Variants in TEX26 observed in about 807,000 individuals in gnomAD.
TEX26 encodes testis-expressed protein 26.
TEX26 carries 34 observed loss-of-function variants against 35.3 expected under a neutral mutation model. The observed-to-expected ratio is 0.96, with a 90% CI of 0.73 to 1.28. TEX26 has a LOEUF of 1.28. Among genes scored for constraint, TEX26 ranks in the 50% most tolerant of loss-of-function variants. The probability of loss-of-function intolerance (pLI) is 0.00; values close to 1 mark genes in which losing one functional copy is unlikely to be tolerated. For synonymous variants in TEX26, 136 were observed against 111.8 expected (o/e 1.22, Z -1.36); for missense variants, 371 against 330.1 (o/e 1.12, Z -0.96).
chr13:30,937,008 G>A (rs1953296481), intron 1 of TEX26: 2 of 983,514 alleles, frequency 2.0e-6, no homozygotes, highest in Non-Finnish European at 2.4e-6. Context: ...TACAAAAAGA[G>A]TTGTAGTAAG....
intron 4 of TEX26, among the ~76,000 whole-genome samples, chr13:30,961,225 G>A (rs1308975764): frequency 6.6e-6 from 1 of 152,166 alleles, no homozygotes; most frequent in East Asian, 1.9e-4. Context: ...GTGTCCCTCA[G>A]TCCAGAGCTT....
intron 4 of TEX26, among the ~76,000 whole-genome samples, chr13:30,958,583 C>T (rs568026838): frequency 1.7e-3 from 264 of 152,332 alleles, no homozygotes; most frequent in Non-Finnish European, 2.4e-3. Flanking sequence ...TGACACATCT[C>T]TCAAGGTCTG....
intron 2 of TEX26, among the ~76,000 whole-genome samples, chr13:30,951,168 G>A (rs1953906825): frequency 6.6e-6 from 1 of 151,998 alleles, no homozygotes; most frequent in South Asian, 2.1e-4. Flanking sequence ...GGGCAACATA[G>A]TGAGACCTCA....
intron 2 of TEX26, among the ~76,000 whole-genome samples, chr13:30,951,175 C>A (rs564073669): frequency 2.0e-4 from 31 of 151,642 alleles, no homozygotes; most frequent in African/African-American, 7.5e-4. Context: ...ATAGTGAGAC[C>A]TCATCTCAAA....
At chr13:30,968,366 A>C (rs912553238) in intron 5 of TEX26, among the ~76,000 whole-genome samples, 10 of 152,112 alleles carry the variant, frequency 6.6e-5, no homozygotes, top group African/African-American at 2.4e-4. Flanking sequence ...GATCGTAGTT[A>C]ATCTTTCTTA....
At chr13:30,944,990 T>G (rs771764629) in intron 2 of TEX26, among the ~76,000 whole-genome samples, 9 of 152,052 alleles carry the variant, frequency 5.9e-5, no homozygotes, top group Non-Finnish European at 1.0e-4. Flanking sequence ...AAGTCCATTC[T>G]TTCTTTGTTG....
intron 2 of TEX26, among the ~76,000 whole-genome samples, chr13:30,943,524 G>A (rs756123630): frequency 4.1e-4 from 62 of 152,066 alleles, no homozygotes; most frequent in Admixed American, 2.0e-4. Flanking sequence ...GTGAAAGTGG[G>A]CATCCTTTTC....
chr13:30,945,822 G>GT (rs943091019), intron 2 of TEX26, among the ~76,000 whole-genome samples: 2 of 151,650 alleles, frequency 1.3e-5, no homozygotes, highest in African/African-American at 2.4e-5. Flanking sequence ...AGTCTGATAG[G>GT]TTTTTTTGTT....
Position 30,972,462 on chromosome 13 carries a change from A to T in TEX26, c.809-2384A>T, listed in dbSNP as rs532354431. ...AAGAAAGGATTTTTTTCTTATTTTA[A>T]TATAAATTCTTTGCTATAAATTCTT... On this transcript the variant is annotated intron_variant, in intron 6 of 6. Coordinates refer to ENST00000380473, the MANE Select transcript of TEX26 (RefSeq NM_152325.3). Among the ~76,000 whole-genome samples the T allele has an allele frequency of 2.0e-4, 30 of 152,282 alleles. No homozygotes were observed. The South Asian group carries it at 3.3e-3, about 17-fold the overall frequency.
At position 30,939,703 on chromosome 13, in the gene TEX26, C is replaced by A. The variant is rs773578343; in HGVS notation, c.71C>A (p.Pro24His). The A allele has an allele frequency of 8.1e-6, 13 of 1,613,768 alleles. No individual in the cohort carries two copies. The change falls in exon 2 of 7, where the codon CCC becomes CAC. Residue 24 changes from proline to histidine, a missense_variant. By Grantham distance (77) the Pro-to-His change is moderately conservative (BLOSUM62 -2). Transcript: ENST00000380473. ...TTTATTGTACTTTTAGCAGATGACC[C>A]CAACTGGGATTCCTATGCTACCACT... The part of the protein sequence containing the change: ...CHHNLQPTDD[P>H]NWDSYATTMR...
chr13:30,974,593 T>G (rs1468049874), intron 6 of TEX26, among the ~76,000 whole-genome samples: 2 of 152,218 alleles, frequency 1.3e-5, no homozygotes, highest in East Asian at 3.8e-4. Flanking sequence ...TTAAGCCTGT[T>G]TCATTCTGAA....
chr13:30,939,850 C>T, intron 2 of TEX26, 72 bp downstream of exon 2: 1 of 1,337,204 alleles, frequency 7.5e-7, no homozygotes, highest in Non-Finnish European at 1.1e-6. Flanking sequence ...ACTCAGAATC[C>T]AAACACATAG....
chr13:30,961,229 A>G (rs1011014761), intron 4 of TEX26, among the ~76,000 whole-genome samples: 14 of 152,256 alleles, frequency 9.2e-5, no homozygotes, highest in South Asian at 4.1e-4. Context: ...CCCTCAGTCC[A>G]GAGCTTCTTT....
rs763057323 is a variant in TEX26, at chr13:30,939,782, G to C, written c.146+4G>C. The C allele has an allele frequency of 2.0e-5, 32 of 1,612,184 alleles. No individual in the cohort carries two copies. Among genetic ancestry groups the C allele is most frequent in the Non-Finnish European group, 2.6e-5 (31 of 1,178,464 alleles). On this transcript the variant is annotated splice_donor_region_variant and intron_variant, in intron 2 of 6. Coordinates refer to ENST00000380473, the MANE Select transcript of TEX26 (RefSeq NM_152325.3). ...GAGCAGTGCCTGCCTTAATTCGGTA[G>C]ATCATTATTTGTGTTGGATTGATAT...
intron 3 of TEX26, 44 bp downstream of exon 3, chr13:30,952,869 T>C (rs1484717943): frequency 2.0e-6 from 3 of 1,500,166 alleles, no homozygotes; most frequent in Non-Finnish European, 2.7e-6. Flanking sequence ...TACTGTACTG[T>C]ATCAACAACT....
At chr13:30,936,191 A>G (rs1953267006) in intron 1 of TEX26, among the ~76,000 whole-genome samples, 2 of 152,198 alleles carry the variant, frequency 1.3e-5, no homozygotes, top group Admixed American at 1.3e-4. Context: ...AAAATAATAT[A>G]TGTGAAAATA....
intron 2 of TEX26, among the ~76,000 whole-genome samples, chr13:30,952,105 C>A (rs559088853): frequency 1.4e-4 from 19 of 131,134 alleles, no homozygotes; most frequent in Non-Finnish European, 2.8e-4. Context: ...ATCCAACATT[C>A]TGAAGACTTC....
chr13:30,964,529 A>G (rs1448237648), intron 4 of TEX26, among the ~76,000 whole-genome samples: 1 of 152,262 alleles, frequency 6.6e-6, no homozygotes, highest in African/African-American at 2.4e-5. Flanking sequence ...GCTCTAGGGA[A>G]GAGATATAGA....
chr13:30,958,769 T>G (rs1186810308), intron 4 of TEX26, among the ~76,000 whole-genome samples: 2 of 152,204 alleles, frequency 1.3e-5, no homozygotes, highest in African/African-American at 4.8e-5. Flanking sequence ...CCCACCGGCA[T>G]GCACATTGAC....
Sources: gnomAD v4.1 joint callset for allele counts (sites outside exome capture counted in the v4.1 genomes callset) on GRCh38, gnomAD v4.1.1 for gene constraint, MANE v1.5 for transcripts, NCBI Gene and HGNC (gene_info 2026-07-23, HGNC 2026-07-21) for gene names.